Variants in TLL1 observed in about 807,000 individuals in gnomAD.
TLL1 encodes the protein tolloid-like protein 1.
TLL1 carries 49 observed loss-of-function variants against 128.2 expected under a neutral mutation model. The ratio of observed to expected loss-of-function variants is 0.38; its 90% CI spans 0.30 to 0.48. The LOEUF is 0.48. Among genes scored for constraint, TLL1 ranks in the 20% least tolerant of loss-of-function variants. The pLI, the probability that TLL1 is intolerant of heterozygous loss-of-function variation, is 0.96. For missense variants in TLL1, 1,123 were observed against 1,242.0 expected (o/e 0.90, Z 1.44); for synonymous variants, 454 against 418.8 (o/e 1.08, Z -1.03).
At chr4:165,959,753 A>C (rs1735002056) in intron 1 of TLL1, among the ~76,000 whole-genome samples, 1 of 152,174 alleles carries the variant, frequency 6.6e-6, no homozygotes, top group Non-Finnish European at 1.5e-5. Flanking sequence ...TGGATGAAAC[A>C]CACAATTAAG....
chr4:165,898,080 G>C (rs1041245912), intron 1 of TLL1, among the ~76,000 whole-genome samples: 2 of 152,154 alleles, frequency 1.3e-5, no homozygotes, highest in Non-Finnish European at 2.9e-5. Flanking sequence ...CATTGATTTT[G>C]TATCCTGAGA....
At chr4:166,007,886 G>A (rs74880479) in intron 6 of TLL1, 57 bp from the exon 7 acceptor site, 1 of 1,117,308 alleles carries the variant, frequency 9.0e-7, no homozygotes, top group African/African-American at 1.5e-5. Context: ...AAGGCCTTCT[G>A]GTCTATTTTC....
chr4:165,914,180 C>T (rs1265785166), intron 1 of TLL1, among the ~76,000 whole-genome samples: 24 of 152,074 alleles, frequency 1.6e-4, no homozygotes. Flanking sequence ...ATAGCATTTC[C>T]TGTTTGGCTT....
At chr4:166,072,939 G>A (rs1159020981) in intron 16 of TLL1, among the ~76,000 whole-genome samples, 1 of 151,716 alleles carries the variant, frequency 6.6e-6, no homozygotes, top group African/African-American at 2.4e-5. Context: ...GCATACAGTT[G>A]TTAGGTTTCC....
At chr4:166,028,298 A>T (rs1738599428) in intron 9 of TLL1, among the ~76,000 whole-genome samples, 1 of 151,758 alleles carries the variant, frequency 6.6e-6, no homozygotes, top group Non-Finnish European at 1.5e-5. Flanking sequence ...TAACCCACAT[A>T]TTTTTTCAGT....
At chr4:165,926,812 C>T (rs976773313) in intron 1 of TLL1, among the ~76,000 whole-genome samples, 1 of 152,140 alleles carries the variant, frequency 6.6e-6, no homozygotes, top group Non-Finnish European at 1.5e-5. Context: ...ATTAACTTTG[C>T]AGTAATGGAA....
intron 18 of TLL1, among the ~76,000 whole-genome samples, chr4:166,085,279 G>T: frequency 1.4e-5 from 2 of 145,294 alleles, no homozygotes. Flanking sequence ...TTCTTTCTAT[G>T]GCCTAATTGT....
intron 1 of TLL1, among the ~76,000 whole-genome samples, chr4:165,953,222 G>A (rs980366890): frequency 2.0e-5 from 3 of 152,026 alleles, no homozygotes; most frequent in Non-Finnish European, 2.9e-5. Context: ...TGTGGGAGAC[G>A]GGTCCAAGTG....
At chr4:165,908,034 A>G (rs1363752409) in intron 1 of TLL1, among the ~76,000 whole-genome samples, 1 of 152,182 alleles carries the variant, frequency 6.6e-6, no homozygotes, top group Non-Finnish European at 1.5e-5. Flanking sequence ...CTGGGTTTTG[A>G]GTAGACAGGA....
intron 7 of TLL1, among the ~76,000 whole-genome samples, chr4:166,008,766 T>C (rs1737549822): frequency 6.6e-6 from 1 of 151,388 alleles, no homozygotes; most frequent in African/African-American, 2.4e-5. Flanking sequence ...CCTTTTTCCA[T>C]TTATGCCCAT....
rs543722676 is a variant in TLL1 at position 165,989,393 on chromosome 4, G to A, written c.182G>A (p.Gly61Asp). ...KDPCKAAVFW[G>D]DIALDDEDLN... ...TTTCTTTTTTTAGCTGTATTTTGGG[G>A]CGATATTGCCTTAGATGATGAAGAC... The change falls in exon 2 of 21, where the codon GGC becomes GAC. Residue 61 changes from glycine to aspartate, a missense_variant. Physicochemically the swap from Gly to Asp is moderately conservative, Grantham distance 94. This residue lies in a region of TLL1 where 480 missense variants were observed against 542.4 expected (regional missense o/e 0.89). Coordinates refer to ENST00000061240, the MANE Select transcript of TLL1 (RefSeq NM_012464.5). 4.3e-6 allele frequency: 7 copies of A among 1,611,612 alleles called. No individual in the cohort carries two copies. The highest frequency in any genetic ancestry group is 4.5e-5 in the East Asian group (2 of 44,742).
At chr4:166,038,133 T>C (rs919492879) in intron 9 of TLL1, among the ~76,000 whole-genome samples, 1 of 152,186 alleles carries the variant, frequency 6.6e-6, no homozygotes, top group African/African-American at 2.4e-5. Flanking sequence ...GCATATACTT[T>C]CCAGCACAGA....
At chr4:165,908,979 T>C (rs1732400724) in intron 1 of TLL1, among the ~76,000 whole-genome samples, 1 of 152,084 alleles carries the variant, frequency 6.6e-6, no homozygotes, top group Non-Finnish European at 1.5e-5. Context: ...GGCTGATCAC[T>C]TGAGGTCAGG....
intron 16 of TLL1, among the ~76,000 whole-genome samples, chr4:166,071,175 T>A (rs1264902179): frequency 1.3e-5 from 2 of 151,900 alleles, no homozygotes; most frequent in Admixed American, 1.3e-4. Flanking sequence ...TGACTTCTTT[T>A]TCCTACAGAT....
intron 14 of TLL1, among the ~76,000 whole-genome samples, chr4:166,058,448 A>AT (rs1467220507): frequency 9.2e-5 from 14 of 152,148 alleles, no homozygotes; most frequent in East Asian, 1.9e-4. Flanking sequence ...TAAAAGATTG[A>AT]TTTTTTTAAA....
intron 1 of TLL1, chr4:165,874,940 C>A (rs866387688): frequency 1.3e-5 from 2 of 152,314 alleles, no homozygotes; most frequent in Non-Finnish European, 2.9e-5. Flanking sequence ...GTGAGCGCAG[C>A]GCCTGAGGGC....
rs80175519 is a variant in TLL1, at chr4:166,023,736, T to C, written c.1043-1580T>C. Among the ~76,000 whole-genome samples, 162 of 152,332 alleles carry C rather than the reference T, an allele frequency of 1.1e-3. 3 individuals are homozygous for C. In the East Asian group the frequency reaches 0.027, roughly 25 times the overall value. On this transcript the variant is annotated intron_variant, in intron 8 of 20. Coordinates refer to ENST00000061240, the MANE Select transcript of TLL1 (RefSeq NM_012464.5). ...TTAATTTTTAGTGTATGTTGTATTTTGTTTAGCATGTATTTATCTTCTTAA... is the reference window on the plus strand; with the variant it reads ...TTAATTTTTAGTGTATGTTGTATTTCGTTTAGCATGTATTTATCTTCTTAA...
chr4:165,976,739 TAA>T (rs1220558894), intron 1 of TLL1, among the ~76,000 whole-genome samples: 5 of 152,200 alleles, frequency 3.3e-5, no homozygotes, highest in Non-Finnish European at 5.9e-5. Context: ...AGACAGTATT[TAA>T]AATATTTGGA....
At chr4:165,931,672 T>C (rs1041081347) in intron 1 of TLL1, among the ~76,000 whole-genome samples, 2 of 144,046 alleles carry the variant, frequency 1.4e-5, no homozygotes, top group African/African-American at 5.2e-5. Flanking sequence ...TGAGCTGAGA[T>C]TGCACCACTG....
Sources: allele counts gnomAD v4.1 joint callset (sites outside exome capture counted in the v4.1 genomes callset), GRCh38; gene constraint gnomAD v4.1.1; regional missense constraint gnomAD v4.1.1; transcripts MANE v1.5; gene names NCBI Gene and HGNC (gene_info 2026-07-23, HGNC 2026-07-21).